The following FRMD4A variants were observed in gnomAD, a reference collection of about 807,000 sequenced individuals.
The protein encoded by FRMD4A is FERM domain containing 4A.
FRMD4A carries 29 observed loss-of-function variants against 129.1 expected under a neutral mutation model. The observed-to-expected ratio is 0.22, with a 90% CI of 0.17 to 0.31. The LOEUF (loss-of-function observed/expected upper bound fraction) is 0.31, where lower values mean the gene tolerates loss of function less well. Ranked by LOEUF, FRMD4A falls within the 10% of genes least tolerant of loss-of-function variation. The pLI is 1.00. For synonymous variants in FRMD4A, 634 were observed against 571.6 expected (o/e 1.11, Z -1.56); for missense variants, 1,272 against 1,375.8 (o/e 0.92, Z 1.19).
intron 19 of FRMD4A, among the ~76,000 whole-genome samples, chr10:13,662,897 G>C (rs2082740366): frequency 1.3e-5 from 2 of 152,154 alleles, no homozygotes; most frequent in African/African-American, 4.8e-5. Flanking sequence ...CTAGTGTGTA[G>C]ATTCTCTGTC....
At chr10:14,227,243 C>CTGT (rs781135414) in intron 2 of FRMD4A, among the ~76,000 whole-genome samples, 6 of 64,100 alleles carry the variant, frequency 9.4e-5, no homozygotes, top group African/African-American at 3.7e-4. Flanking sequence ...TCTTCTTCTT[C>CTGT]TTTTTTTTTT....
chr10:13,688,801 C>A (rs1304336321), intron 15 of FRMD4A, among the ~76,000 whole-genome samples: 1 of 152,104 alleles, frequency 6.6e-6, no homozygotes, highest in Non-Finnish European at 1.5e-5. Flanking sequence ...GCAACCTCTG[C>A]CTCCTAGCTA....
chr10:14,309,961 A>T (rs1435494726), intron 2 of FRMD4A, among the ~76,000 whole-genome samples: 2 of 151,172 alleles, frequency 1.3e-5, no homozygotes, highest in African/African-American at 2.4e-5. Flanking sequence ...CTCCTTCTGA[A>T]CCCCCAGCAA....
Position 13,750,073 on chromosome 10 carries a change from A to G in FRMD4A, c.465-2254T>C, listed in dbSNP as rs11258573. Among the ~76,000 whole-genome samples the G allele has an allele frequency of 5.9e-3, 402 of 68,578 alleles. 2 individuals are homozygous for G. The South Asian group carries it at 0.079, about 14-fold the overall frequency. 45.0% of individuals were successfully genotyped at this position (68,578 alleles called of 152,430 possible). A position where few individuals can be genotyped will look rare whatever the true frequency, so the allele number is the denominator to read the frequency against. ...GGAAGGAAGGAAGGAAGGAAGGAAGAAAGAAAGAAAGAAAGAAAGAAAGAA... is the reference window on the plus strand; with the variant it reads ...GGAAGGAAGGAAGGAAGGAAGGAAGGAAGAAAGAAAGAAAGAAAGAAAGAA... On this transcript the variant is annotated intron_variant, in intron 8 of 24. Transcript: ENST00000357447.
At chr10:14,239,938 T>G (rs1843981267) in intron 2 of FRMD4A, among the ~76,000 whole-genome samples, 1 of 152,206 alleles carries the variant, frequency 6.6e-6, no homozygotes, top group Non-Finnish European at 1.5e-5. Context: ...GTAACACCTT[T>G]GGAAAAGTAA....
At chr10:14,109,766 G>A (rs528565839) in intron 2 of FRMD4A, among the ~76,000 whole-genome samples, 35 of 152,182 alleles carry the variant, frequency 2.3e-4, no homozygotes, top group African/African-American at 8.4e-4. Flanking sequence ...GAGGTCAGGA[G>A]TTTAAGACTA....
At chr10:13,661,800 G>T (rs1394139891) in intron 19 of FRMD4A, among the ~76,000 whole-genome samples, 1 of 152,034 alleles carries the variant, frequency 6.6e-6, no homozygotes, top group Non-Finnish European at 1.5e-5. Context: ...AAAAAGCACA[G>T]AAGCAAACCT....
intron 2 of FRMD4A, among the ~76,000 whole-genome samples, chr10:14,031,412 C>T (rs566924145): frequency 1.6e-4 from 25 of 152,058 alleles, no homozygotes; most frequent in Non-Finnish European, 3.1e-4. Flanking sequence ...AGAATACAGG[C>T]GCCAACCACC....
chr10:13,707,044 G>C lies in FRMD4A; in HGVS notation c.829C>G (p.Pro277Ala). 1.3e-6 allele frequency: 2 copies of C among 1,558,696 alleles called. No individual in the cohort carries two copies. Among genetic ancestry groups the C allele is most frequent in the South Asian group, 1.1e-5 (1 of 89,902 alleles). ...AGGACTTTTCAAGCTTACCTGCGTG[G>C]GTCATGAACTTCCACGGAAAACTTC... is the stretch of plus-strand genomic sequence containing the variant. ...EKKFSVEVHD[P>A]RRASVTRRTF... Residue 277 changes from proline (P) to alanine (A), a missense_variant, in exon 13 of 25, where the codon CCA (proline) becomes GCA (alanine). By Grantham distance (27) the Pro-to-Ala change is conservative. Around this residue, in one of 2 missense-constraint regions of FRMD4A, gnomAD observed 300 missense variants for 483.6 expected, o/e 0.62. Coordinates refer to ENST00000357447, the MANE Select transcript of FRMD4A (RefSeq NM_018027.5).
At chr10:13,657,594 G>T in intron 21 of FRMD4A, 72 bp from the exon 22 acceptor site, 2 of 1,452,960 alleles carry the variant, frequency 1.4e-6, no homozygotes, top group East Asian at 2.5e-5. Context: ...GGGGAGGAGG[G>T]GGTCCTGAGG....
At chr10:13,952,755 A>G (rs1159430968) in intron 2 of FRMD4A, among the ~76,000 whole-genome samples, 1 of 152,124 alleles carries the variant, frequency 6.6e-6, no homozygotes, top group African/African-American at 2.4e-5. Context: ...GTGCAGTAGC[A>G]TGATCTCAGC....
At chr10:14,295,305 A>T (rs558160097) in intron 2 of FRMD4A, among the ~76,000 whole-genome samples, 5 of 152,306 alleles carry the variant, frequency 3.3e-5, no homozygotes, top group African/African-American at 9.6e-5. Flanking sequence ...GAAATACCTA[A>T]CTTCCACTAA....
intron 3 of FRMD4A, among the ~76,000 whole-genome samples, chr10:13,829,290 C>T (rs1198891282): frequency 2.0e-5 from 3 of 152,080 alleles, no homozygotes; most frequent in African/African-American, 7.2e-5. Context: ...TTTGGGGGTC[C>T]GAGGCAGGAA....
At chr10:14,126,117 A>G (rs873055) in intron 2 of FRMD4A, among the ~76,000 whole-genome samples, 48,552 of 150,716 alleles carry the variant, frequency 0.32, 8,013 homozygotes, top group East Asian at 0.52. Flanking sequence ...TTTCTCTAAG[A>G]TCATCTTCTC....
At chr10:13,787,307 A>G (rs557472939) in intron 5 of FRMD4A, among the ~76,000 whole-genome samples, 29 of 152,254 alleles carry the variant, frequency 1.9e-4, no homozygotes, top group African/African-American at 7.0e-4. Context: ...CCTGCCAGGG[A>G]ACGGCTGAGT....
intron 3 of FRMD4A, among the ~76,000 whole-genome samples, chr10:13,822,443 C>T (rs2093643472): frequency 6.6e-6 from 1 of 152,198 alleles, no homozygotes; most frequent in Admixed American, 6.5e-5. Flanking sequence ...GGAGGGATCA[C>T]ATTTGATCGA....
chr10:14,017,841 A>C (rs993629181), intron 2 of FRMD4A, among the ~76,000 whole-genome samples: 7 of 152,202 alleles, frequency 4.6e-5, no homozygotes, highest in African/African-American at 1.7e-4. Flanking sequence ...ATCTGTTAGA[A>C]AGACAGTCTC....
Position 13,670,433 on chromosome 10 carries a change from A to G in FRMD4A, c.1347T>C (p.Asp449=). Residue 449 remains aspartate (D), a synonymous_variant, in exon 17 of 25, where the codon GAT becomes GAC. Transcript: ENST00000357447. ...CTCCTTTGGGCAGGATTTTCTGTTC[A>G]TCCAGTTTGAAGGCTGTTCCTATTC... ...RRRIGTAFKL[D]EQKILPKGEE... The G allele has an allele frequency of 6.2e-7, 1 of 1,613,554 alleles. No individual in the cohort carries two copies. Among genetic ancestry groups the G allele is most frequent in the Non-Finnish European group, 8.5e-7 (1 of 1,179,592 alleles).
At chr10:14,080,134 G>A (rs1835841201) in intron 2 of FRMD4A, among the ~76,000 whole-genome samples, 1 of 152,144 alleles carries the variant, frequency 6.6e-6, no homozygotes, top group South Asian at 2.1e-4. Context: ...TGCAGCAATG[G>A]CTAGTGGGCC....
Sources: allele counts gnomAD v4.1 joint callset (sites outside exome capture counted in the v4.1 genomes callset), GRCh38; gene constraint gnomAD v4.1.1; regional missense constraint gnomAD v4.1.1; transcripts MANE v1.5; gene names NCBI Gene and HGNC (gene_info 2026-07-23, HGNC 2026-07-21).